ABCD3: variants seen among roughly 807,000 people sequenced by gnomAD.
ABCD3 encodes the protein ATP binding cassette subfamily D member 3.
Under a neutral mutation model 105.5 loss-of-function variants are expected in ABCD3, and 41 were observed. The observed-to-expected ratio is 0.39, with a 90% CI of 0.30 to 0.50. ABCD3 has a LOEUF of 0.50. Among genes scored for constraint, ABCD3 ranks in the 20% least tolerant of loss-of-function variants. The probability of loss-of-function intolerance (pLI) is 0.84; values close to 1 mark genes in which losing one functional copy is unlikely to be tolerated. For synonymous variants in ABCD3, 258 were observed against 269.0 expected (o/e 0.96, Z 0.40); for missense variants, 622 against 806.3 (o/e 0.77, Z 2.77).
chr1:94,393,660 G>T, the ABCD3 span, among the ~76,000 whole-genome samples: 5 of 151,718 alleles, frequency 3.3e-5, no homozygotes, highest in African/African-American at 7.3e-5. Context: ...GAAAAGAAAA[G>T]AAAGAAAGAA....
At chr1:94,473,374 A>G (rs896507552) in intron 4 of ABCD3, among the ~76,000 whole-genome samples, 1 of 152,170 alleles carries the variant, frequency 6.6e-6, no homozygotes, top group Non-Finnish European at 1.5e-5. Context: ...TGAGAATCAG[A>G]TTATTAAAAT....
chr1:94,492,637 G>T (rs1649588359), intron 16 of ABCD3, among the ~76,000 whole-genome samples: 2 of 152,322 alleles, frequency 1.3e-5, no homozygotes, highest in South Asian at 4.1e-4. Context: ...AGCCAGGCTT[G>T]ATTTCCAGTA....
intron 21 of ABCD3, among the ~76,000 whole-genome samples, chr1:94,513,281 T>G (rs1335389928): frequency 6.6e-6 from 1 of 152,092 alleles, no homozygotes; most frequent in Non-Finnish European, 1.5e-5. Context: ...AGTCTGCAGT[T>G]GATTCAATGA....
rs1650963744 is a variant in ABCD3, at chr1:94,517,291, C to T, written c.*162C>T. The T allele has an allele frequency of 1.7e-6, 1 of 593,146 alleles. No individual in the cohort carries two copies. The highest frequency in any genetic ancestry group is 2.9e-5 in the Admixed American group (1 of 35,034). The allele number at this position is 593,146 out of a possible 1,614,324, so 36.7% of individuals were successfully genotyped here. A position where few individuals can be genotyped will look rare whatever the true frequency, so the allele number is the denominator to read the frequency against. On this transcript the variant is annotated 3_prime_UTR_variant, in exon 23 of 23. Transcript: ENST00000370214. ...AATAATGGAGAACAAGTTGTTAAAA[C>T]ATTTAATATTATATAGGATATTGCT...
rs2100999813 is a variant in ABCD3 at position 94,477,101 on chromosome 1, G to A, written c.628-1158G>A. On this transcript the variant is annotated intron_variant, in intron 7 of 22. Transcript: ENST00000370214. ...ACTTGTAGTGGGGCTGTACACCAGT[G>A]TGTAAGTTAGATGTTTTAAACATCT... is the stretch of plus-strand genomic sequence containing the variant. Among the ~76,000 whole-genome samples, 3 of 151,990 alleles carry A rather than the reference G, an allele frequency of 2.0e-5. No homozygotes were observed. In the South Asian group the frequency reaches 6.2e-4, roughly 32 times the overall value.
Position 94,475,646 on chromosome 1 carries a change from A to G in ABCD3, c.536A>G (p.Asp179Gly). 1 of 1,612,400 alleles carries G rather than the reference A, an allele frequency of 6.2e-7. No homozygotes were observed. The highest frequency in any genetic ancestry group is 8.5e-7 in the Non-Finnish European group (1 of 1,178,728). ...ACATATTATAAAATGGGGAATCTGG[A>G]CAACAGAATAGCTAATCCAGACCAG... The part of the protein sequence containing the change: ...AFTYYKMGNL[D>G]NRIANPDQLL... The change falls in exon 7 of 23, where the codon GAC (aspartate) becomes GGC (glycine). Residue 179 changes from aspartate (D) to glycine (G), a missense_variant. By Grantham distance (94) the Asp-to-Gly change is moderately conservative. Coordinates refer to ENST00000370214, the MANE Select transcript of ABCD3 (RefSeq NM_002858.4).
Position 94,517,367 on chromosome 1 carries a change from T to C in ABCD3, c.*238T>C, listed in dbSNP as rs981997542. The C allele has an allele frequency of 2.1e-5, 9 of 421,660 alleles. No individual in the cohort carries two copies. Among genetic ancestry groups the C allele is most frequent in the Non-Finnish European group, 4.0e-5 (9 of 227,496 alleles). 26.1% of individuals were successfully genotyped at this position (421,660 alleles called of 1,614,324 possible). A position where few individuals can be genotyped will look rare whatever the true frequency, so the allele number is the denominator to read the frequency against. ...ATAATATGTACTAAGAATGTCCTTA[T>C]TCTTGTGGTTAAAAACCTGCCTAAA... On this transcript the variant is annotated 3_prime_UTR_variant, in exon 23 of 23. Transcript: ENST00000370214.
the ABCD3 span, among the ~76,000 whole-genome samples, chr1:94,399,799 T>C: frequency 6.6e-6 from 1 of 152,182 alleles, no homozygotes; most frequent in African/African-American, 2.4e-5. Flanking sequence ...GGCATTTGTG[T>C]ATTTGGGGGA....
At chr1:94,434,518 A>G (rs1244908355) in intron 1 of ABCD3, among the ~76,000 whole-genome samples, 1 of 152,092 alleles carries the variant, frequency 6.6e-6, no homozygotes, top group Non-Finnish European at 1.5e-5. Context: ...ACATGTGAGT[A>G]ATGTGTTGTA....
At chr1:94,428,085 TA>T (rs1374231787) in intron 1 of ABCD3, among the ~76,000 whole-genome samples, 93 of 152,038 alleles carry the variant, frequency 6.1e-4, no homozygotes, top group East Asian at 1.2e-3. Flanking sequence ...TTTTTTTTTT[TA>T]TTTTTTATTT....
At chr1:94,449,828 A>G (rs1037370503) in intron 1 of ABCD3, among the ~76,000 whole-genome samples, 16 of 152,240 alleles carry the variant, frequency 1.1e-4, no homozygotes, top group Admixed American at 9.8e-4. Context: ...AATGGTAAGA[A>G]GTATGGCAAG....
chr1:94,458,688 T>G, intron 2 of ABCD3, 45 bp downstream of exon 2: 1 of 1,555,276 alleles, frequency 6.4e-7, no homozygotes, highest in Non-Finnish European at 8.9e-7. Flanking sequence ...ATGCATTTAT[T>G]TCATTTATTT....
intron 16 of ABCD3, among the ~76,000 whole-genome samples, chr1:94,495,397 T>C (rs1649748671): frequency 6.6e-6 from 1 of 152,156 alleles, no homozygotes; most frequent in Admixed American, 6.6e-5. Context: ...TAAATGTTAC[T>C]CTTGGCTTTT....
Position 94,450,467 on chromosome 1 carries a change from G to A in ABCD3, c.111-8140G>A, listed in dbSNP as rs867765811. ...AAGGAACACCTGGCCCACCCAGGGC[G>A]GAAAACCGCTTAAGGCTTTCTTAAA... is the stretch of plus-strand genomic sequence containing the variant. On this transcript the variant is annotated intron_variant, in intron 1 of 22. Coordinates refer to ENST00000370214, the MANE Select transcript of ABCD3 (RefSeq NM_002858.4). 8.5e-5 allele frequency among the ~76,000 whole-genome samples: 13 copies of A among 152,348 alleles called. No homozygotes were observed. In the South Asian group the frequency reaches 2.1e-3, roughly 24 times the overall value.
intron 1 of ABCD3, chr1:94,455,627 A>G: frequency 3.0e-6 from 1 of 333,628 alleles, no homozygotes; most frequent in Non-Finnish European, 5.9e-6. Flanking sequence ...ACCTGGCAAG[A>G]AATTTTAATT....
the ABCD3 span, among the ~76,000 whole-genome samples, chr1:94,387,099 C>T: frequency 6.6e-6 from 1 of 152,180 alleles, no homozygotes; most frequent in Non-Finnish European, 1.5e-5. Context: ...CTATGCGAAG[C>T]TTTTCCTGCT....
At chr1:94,479,682 T>G (rs1314129191) in intron 8 of ABCD3, among the ~76,000 whole-genome samples, 1 of 152,140 alleles carries the variant, frequency 6.6e-6, no homozygotes, top group Non-Finnish European at 1.5e-5. Context: ...TCCATTAGAT[T>G]ATGTCAGGCT....
At chr1:94,400,422 G>T in the ABCD3 span, among the ~76,000 whole-genome samples, 3 of 151,142 alleles carry the variant, frequency 2.0e-5, no homozygotes, top group Admixed American at 2.0e-4. Flanking sequence ...AAAAAAGAAA[G>T]AAAAAGGAAA....
At chr1:94,421,473 A>G (rs891757624) in intron 1 of ABCD3, among the ~76,000 whole-genome samples, 1 of 152,036 alleles carries the variant, frequency 6.6e-6, no homozygotes, top group African/African-American at 2.4e-5. Context: ...TATGGGGAAA[A>G]GAAGAATCTT....
Sources: allele counts gnomAD v4.1 joint callset (sites outside exome capture counted in the v4.1 genomes callset), GRCh38; gene constraint gnomAD v4.1.1; transcripts MANE v1.5; gene names NCBI Gene and HGNC (gene_info 2026-07-23, HGNC 2026-07-21).